GPM6A: variants seen among roughly 807,000 people sequenced by gnomAD.
GPM6A encodes the protein neuronal membrane glycoprotein M6-a.
In GPM6A, 7 loss-of-function variants were observed where a neutral mutation model predicts 32.1. The observed-to-expected ratio is 0.22, with a 90% CI of 0.12 to 0.41. GPM6A has a LOEUF of 0.41. GPM6A is among the 10% of genes least tolerant of loss of function. GPM6A has a pLI of 1.00. For missense variants in GPM6A, 235 were observed against 347.2 expected, an observed-to-expected ratio of 0.68 and a Z score of 2.57; for synonymous variants, 130 against 123.4, an observed-to-expected ratio of 1.05 and a Z score of -0.35.
At chr4:175,772,625 G>A (rs1733236130) in intron 1 of GPM6A, among the ~76,000 whole-genome samples, 1 of 151,796 alleles carries the variant, frequency 6.6e-6, no homozygotes, top group Admixed American at 6.6e-5. Flanking sequence ...CTGGAGGAAA[G>A]AGGAAAAAAA....
chr4:175,756,988 G>C (rs1732552956), intron 1 of GPM6A, among the ~76,000 whole-genome samples: 1 of 152,054 alleles, frequency 6.6e-6, no homozygotes, highest in Non-Finnish European at 1.5e-5. Flanking sequence ...AGGCGAACTG[G>C]AGGCTACCTC....
chr4:175,677,065 C>A (rs987474986), intron 2 of GPM6A, among the ~76,000 whole-genome samples: 1 of 152,108 alleles, frequency 6.6e-6, no homozygotes, highest in Non-Finnish European at 1.5e-5. Flanking sequence ...TTTAGATCAA[C>A]TTCAAGATTC....
upstream of GPM6A, among the ~76,000 whole-genome samples, chr4:175,814,959 C>T (rs946602392): frequency 2.0e-5 from 3 of 152,138 alleles, no homozygotes; most frequent in East Asian, 1.9e-4. Context: ...CCATTAAAAA[C>T]GCACTCCTCC....
At chr4:175,809,319 AG>A (rs1338639880) in intron 1 of GPM6A, among the ~76,000 whole-genome samples, 2 of 151,822 alleles carry the variant, frequency 1.3e-5, no homozygotes, top group Non-Finnish European at 2.9e-5. Context: ...TTTTGGTGAC[AG>A]ATGATGCTAG....
In GPM6A at chr4:175,873,577, T is replaced by C. The variant is rs368923355; in HGVS notation, c.-22-61328A>G. ...TCAAAGATTTAAAAGACTGGCCCTGTTGTTTTCTCATAGACAACTAACAAT... is the reference window on the plus strand; with the variant it reads ...TCAAAGATTTAAAAGACTGGCCCTGCTGTTTTCTCATAGACAACTAACAAT... On this transcript the variant is annotated intron_variant, in intron 1 of 7. Coordinates refer to the GPM6A transcript ENST00000280187. 4.6e-5 allele frequency among the ~76,000 whole-genome samples: 7 copies of C among 152,262 alleles called. 1 individual carries two copies. The highest frequency in any genetic ancestry group is 1.9e-4 in the East Asian group (1 of 5,184).
At chr4:175,946,672 A>G (rs1739618594) in intron 1 of GPM6A, among the ~76,000 whole-genome samples, 1 of 152,126 alleles carries the variant, frequency 6.6e-6, no homozygotes, top group Non-Finnish European at 1.5e-5. Flanking sequence ...TGTCCGAGGG[A>G]TAAAGATGGC....
chr4:175,897,178 C>A (rs1207727933), intron 1 of GPM6A, among the ~76,000 whole-genome samples: 1 of 152,088 alleles, frequency 6.6e-6, no homozygotes, highest in Non-Finnish European at 1.5e-5. Context: ...CCAGCCTGGG[C>A]TGGAGGGAGG....
At chr4:175,705,872 A>G (rs1404597613) in intron 1 of GPM6A, among the ~76,000 whole-genome samples, 1 of 152,156 alleles carries the variant, frequency 6.6e-6, no homozygotes, top group African/African-American at 2.4e-5. Flanking sequence ...AACAGGAAAC[A>G]TTTTCAATAC....
At position 175,884,270 on chromosome 4, in the gene GPM6A, A is replaced by G. The variant is rs557166435; in HGVS notation, c.-22-72021T>C. 1.4e-3 allele frequency among the ~76,000 whole-genome samples: 206 copies of G among 152,352 alleles called. 9 individuals carry two copies. In the South Asian group the frequency reaches 0.041, roughly 30 times the overall value. On this transcript the variant is annotated intron_variant, in intron 1 of 7. Coordinates refer to the GPM6A transcript ENST00000280187. ...TTGACAAAGAACGCAAGATCGTTAG[A>G]TTCATTGTCTTCTTTTTCTTTCAAC...
At chr4:175,838,582 C>T (rs551419068) in intron 1 of GPM6A, among the ~76,000 whole-genome samples, 131 of 150,956 alleles carry the variant, frequency 8.7e-4, no homozygotes, top group Non-Finnish European at 1.6e-3. Context: ...TAATCTGTTA[C>T]CCCTTCCTGG....
At chr4:175,864,971 G>A (rs13107233) in intron 1 of GPM6A, among the ~76,000 whole-genome samples, 3,153 of 151,722 alleles carry the variant, frequency 0.021, 45 homozygotes, top group Middle Eastern at 0.041. Context: ...CACTACCACC[G>A]GGCTAATTTT....
At chr4:175,713,851 G>T (rs1022361704) in intron 1 of GPM6A, among the ~76,000 whole-genome samples, 3 of 152,062 alleles carry the variant, frequency 2.0e-5, no homozygotes, top group African/African-American at 7.2e-5. Flanking sequence ...CATTATTTTT[G>T]ATAGCGGTTG....
intron 1 of GPM6A, among the ~76,000 whole-genome samples, chr4:175,850,096 G>A (rs567013604): frequency 7.2e-5 from 11 of 152,300 alleles, no homozygotes; most frequent in African/African-American, 2.4e-4. Context: ...AAGGAAAGAT[G>A]TGAAGAGACA....
chr4:175,783,690 G>A (rs1733693377), intron 1 of GPM6A, among the ~76,000 whole-genome samples: 1 of 151,710 alleles, frequency 6.6e-6, no homozygotes, highest in African/African-American at 2.4e-5. Context: ...AATTTATATA[G>A]ATTGATAAGA....
At chr4:175,766,596 C>T (rs1009024962) in intron 1 of GPM6A, among the ~76,000 whole-genome samples, 1 of 151,568 alleles carries the variant, frequency 6.6e-6, no homozygotes, top group Admixed American at 6.6e-5. Flanking sequence ...TGATGCAGTG[C>T]TCTCTGCAGA....
intron 2 of GPM6A, among the ~76,000 whole-genome samples, chr4:175,690,403 T>A (rs958216645): frequency 6.6e-6 from 1 of 152,226 alleles, no homozygotes; most frequent in Admixed American, 6.5e-5. Flanking sequence ...ATGACTGTTT[T>A]ATCAAATTAC....
At chr4:176,001,789 C>A (rs1005399225) in intron 1 of GPM6A, among the ~76,000 whole-genome samples, 2 of 152,198 alleles carry the variant, frequency 1.3e-5, no homozygotes, top group Non-Finnish European at 2.9e-5. Flanking sequence ...GGCCCTGCAC[C>A]AGCACCTTCC....
chr4:175,816,919 G>C (rs1246776295), upstream of GPM6A, among the ~76,000 whole-genome samples: 2 of 151,874 alleles, frequency 1.3e-5, no homozygotes, highest in African/African-American at 2.4e-5. Context: ...GAGTGCAGCG[G>C]CGCGGTCTCG....
At chr4:175,983,134 T>C (rs1740867813) in intron 1 of GPM6A, among the ~76,000 whole-genome samples, 1 of 151,886 alleles carries the variant, frequency 6.6e-6, no homozygotes, top group South Asian at 2.1e-4. Context: ...GAGGGGAGAA[T>C]TTAAAGGACC....
Sources: allele counts gnomAD v4.1 joint callset (sites outside exome capture counted in the v4.1 genomes callset), GRCh38; gene constraint gnomAD v4.1.1; transcripts MANE v1.5; gene names NCBI Gene and HGNC (gene_info 2026-07-23, HGNC 2026-07-21).